Variants in SEPTIN2 observed in about 807,000 individuals in gnomAD.
SEPTIN2 encodes the protein septin 2, also known as septin-2.
A neutral mutation model predicts 46.5 loss-of-function variants in SEPTIN2; 34 were observed. The ratio of observed to expected loss-of-function variants is 0.73; its 90% CI spans 0.56 to 0.97. SEPTIN2 has a LOEUF of 0.97. Among genes scored for constraint, SEPTIN2 ranks in the 50% least tolerant of loss-of-function variants. SEPTIN2 has a pLI of 0.00. For synonymous variants in SEPTIN2, 175 were observed against 153.4 expected, an observed-to-expected ratio of 1.14 and a Z score of -1.04; for missense variants, 347 against 448.4, an observed-to-expected ratio of 0.77 and a Z score of 2.04.
chr2:241,325,710 TTC>T (rs1373011724), intron 2 of SEPTIN2, among the ~76,000 whole-genome samples: 1 of 152,220 alleles, frequency 6.6e-6, no homozygotes, highest in Non-Finnish European at 1.5e-5. Context: ...AGCATGTATC[TTC>T]TATGTATTGT....
At chr2:241,318,223 A>G (rs1362157870) in intron 1 of SEPTIN2, 2 of 152,198 alleles carry the variant, frequency 1.3e-5, no homozygotes, top group Admixed American at 6.6e-5. Context: ...CCATTTTCCC[A>G]TATGTGTGCA....
In SEPTIN2 at chr2:241,337,705, C is replaced by T. The variant is rs776760883; in HGVS notation, c.509C>T (p.Ala170Val). The change falls in exon 7 of 13, where the codon GCA becomes GTA. Residue 170 changes from alanine (A) to valine (V), a missense_variant. Transcript: ENST00000391971. ...CCCTTAGATGTGGCGTTTATGAAGG[C>T]AATACACAACAAGGTGAATATTGTG... The part of the protein sequence containing the change: ...LKPLDVAFMK[A>V]IHNKVNIVPV... The T allele has an allele frequency of 1.2e-6, 2 of 1,613,780 alleles. No homozygotes were observed. The highest frequency in any genetic ancestry group is 2.2e-5 in the South Asian group (2 of 91,052).
At chr2:241,334,212 A>G (rs2150027554) in intron 3 of SEPTIN2, among the ~76,000 whole-genome samples, 1 of 152,240 alleles carries the variant, frequency 6.6e-6, no homozygotes, top group African/African-American at 2.4e-5. Context: ...CTCCTTCCTC[A>G]TGCTTTGCAG....
Position 241,330,283 on chromosome 2 carries a change from A to G in SEPTIN2, c.130+4170A>G, listed in dbSNP as rs2078782010. ...CTTGTGCAGAAAACAGGGACACAAT[A>G]CTCAGAACCTTCATCAGCGACACAA... On this transcript the variant is annotated intron_variant, in intron 3 of 12. Coordinates refer to ENST00000391971, the MANE Select transcript of SEPTIN2 (RefSeq NM_004404.5). Among the ~76,000 whole-genome samples the G allele has an allele frequency of 2.0e-5, 3 of 152,326 alleles. 1 individual carries two copies. The highest frequency in any genetic ancestry group is 2.9e-5 in the Non-Finnish European group (2 of 68,028).
chr2:241,332,798 G>T (rs923570999), intron 3 of SEPTIN2, among the ~76,000 whole-genome samples: 2 of 152,184 alleles, frequency 1.3e-5, no homozygotes, highest in Non-Finnish European at 2.9e-5. Context: ...ACAAAGAAAC[G>T]AACTACTCGT....
At chr2:241,349,963 A>G (rs1349244369) in intron 11 of SEPTIN2, 110 bp from the exon 12 acceptor site, 1 of 959,550 alleles carries the variant, frequency 1.0e-6, no homozygotes, top group Admixed American at 2.1e-5. Context: ...AACTCCTGTC[A>G]TATTTTGGGA....
intron 2 of SEPTIN2, among the ~76,000 whole-genome samples, chr2:241,325,577 T>C (rs1349211864): frequency 1.3e-5 from 2 of 152,224 alleles, no homozygotes; most frequent in African/African-American, 2.4e-5. Flanking sequence ...TAGCCAAGTT[T>C]GTTGAATGAA....
At chr2:241,324,610 C>A in intron 2 of SEPTIN2, 1 of 322,894 alleles carries the variant, frequency 3.1e-6, no homozygotes, top group Non-Finnish European at 6.0e-6. Context: ...TGGCCTTGAT[C>A]TGTTGACCTC....
chr2:241,348,837 G>A (rs2060514590), intron 11 of SEPTIN2, among the ~76,000 whole-genome samples: 1 of 152,088 alleles, frequency 6.6e-6, no homozygotes. Context: ...CTGGAGTTTT[G>A]GAAGGCAAAC....
upstream of SEPTIN2, chr2:241,315,466 C>G (rs2076037034): frequency 6.6e-6 from 1 of 152,514 alleles, no homozygotes; most frequent in Non-Finnish European, 1.5e-5. Context: ...ACCACCTGCC[C>G]TCCCGCGACC....
chr2:241,324,509 T>A, intron 2 of SEPTIN2: 1 of 470,416 alleles, frequency 2.1e-6, no homozygotes, highest in Non-Finnish European at 4.0e-6. Flanking sequence ...TGGCTCAGCC[T>A]CCGGAGTAGC....
intron 1 of SEPTIN2, among the ~76,000 whole-genome samples, chr2:241,323,429 A>C (rs2077446080): frequency 6.6e-6 from 1 of 151,202 alleles, no homozygotes; most frequent in South Asian, 2.1e-4. Flanking sequence ...TGGCTGAATC[A>C]GTATTTTTAG....
At chr2:241,323,963 T>A (rs1446694259) in intron 1 of SEPTIN2, among the ~76,000 whole-genome samples, 1 of 152,222 alleles carries the variant, frequency 6.6e-6, no homozygotes, top group Non-Finnish European at 1.5e-5. Flanking sequence ...ATAGGGGGTC[T>A]GGTTAATATA....
intron 1 of SEPTIN2, chr2:241,317,535 A>AT (rs750805176): frequency 0.021 from 19,908 of 943,972 alleles, 44 homozygotes; most frequent in Admixed American, 0.034. Context: ...AGTTGTGGGT[A>AT]TTTTTTTTTT....
At chr2:241,332,998 T>C (rs904083071) in intron 3 of SEPTIN2, among the ~76,000 whole-genome samples, 1 of 152,212 alleles carries the variant, frequency 6.6e-6, no homozygotes, top group African/African-American at 2.4e-5. Flanking sequence ...ACAAAGCAAC[T>C]CTAGGGTTAT....
At chr2:241,338,861 AAT>A (rs1289278174) in intron 7 of SEPTIN2, among the ~76,000 whole-genome samples, 1,368 of 95,900 alleles carry the variant, frequency 0.014, 28 homozygotes, top group African/African-American at 0.044. Flanking sequence ...TATATATAAA[AAT>A]ATATATATTT....
At chr2:241,335,829 G>T in intron 4 of SEPTIN2, 146 bp from the exon 5 acceptor site, 1 of 979,930 alleles carries the variant, frequency 1.0e-6, no homozygotes, top group Non-Finnish European at 1.6e-6. Context: ...ACTTCTCTGG[G>T]ATCTTTTTTT....
In SEPTIN2 at chr2:241,343,809, A is replaced by G; in HGVS notation, c.754A>G (p.Lys252Glu). 6.2e-7 allele frequency: 1 copy of G among 1,614,190 alleles called. No individual in the cohort carries two copies. Among genetic ancestry groups the G allele is most frequent in the Non-Finnish European group, 8.5e-7 (1 of 1,180,020 alleles). ...SNQLIEAKGK[K>E]VRGRLYPWGV... ...TCAGTTGATTGAAGCCAAAGGAAAG[A>G]AGGTCAGAGGCCGCCTCTACCCCTG... Residue 252 changes from lysine (K) to glutamate (E), a missense_variant, in exon 9 of 13, where the codon AAG becomes GAG. By Grantham distance (56) the Lys-to-Glu change is moderately conservative. Coordinates refer to ENST00000391971, the MANE Select transcript of SEPTIN2 (RefSeq NM_004404.5).
chr2:241,335,584 A>G lies in SEPTIN2; in HGVS notation c.217+372A>G, dbSNP rs183904297. 7.2e-5 allele frequency: 43 copies of G among 596,384 alleles called. No homozygotes were observed. The East Asian group carries it at 9.8e-4, about 14-fold the overall frequency. 36.9% of individuals were successfully genotyped at this position (596,384 alleles called of 1,614,324 possible). A position where few individuals can be genotyped will look rare whatever the true frequency, so the allele number is the denominator to read the frequency against. On this transcript the variant is annotated intron_variant, in intron 4 of 12. Transcript: ENST00000391971. The stretch of plus-strand genomic sequence containing the variant: ...ATCTACTGTCAGAAAGTTCCAGCAC[A>G]GGACACCAGCATCCACAAATGACTG...
Sources: gnomAD v4.1 joint callset for allele counts (sites outside exome capture counted in the v4.1 genomes callset) on GRCh38, gnomAD v4.1.1 for gene constraint, MANE v1.5 for transcripts, NCBI Gene and HGNC (gene_info 2026-07-23, HGNC 2026-07-21) for gene names.